The following SPCS2 variants were observed in gnomAD, a reference collection of about 807,000 sequenced individuals.
SPCS2 encodes the protein signal peptidase complex subunit 2.
In SPCS2, 3 loss-of-function variants were observed where a neutral mutation model predicts 22.3. The observed-to-expected ratio is 0.13, with a 90% CI of 0.06 to 0.35. The LOEUF (loss-of-function observed/expected upper bound fraction) is 0.35, where lower values mean the gene tolerates loss of function less well. Ranked by LOEUF, SPCS2 falls within the 10% of genes least tolerant of loss-of-function variation. The pLI is 1.00. For synonymous variants in SPCS2, 67 were observed against 97.2 expected, an observed-to-expected ratio of 0.69 and a Z score of 1.83; for missense variants, 169 against 280.9, an observed-to-expected ratio of 0.60 and a Z score of 2.85.
intron 4 of SPCS2, 86 bp downstream of exon 4, chr11:74,969,785 C>T: frequency 6.8e-7 from 1 of 1,463,456 alleles, no homozygotes; most frequent in Non-Finnish European, 9.6e-7. Flanking sequence ...TTATTATGTG[C>T]CTACTCTATG....
chr11:74,960,630 C>T (rs972181402), intron 1 of SPCS2, among the ~76,000 whole-genome samples: 3 of 151,384 alleles, frequency 2.0e-5, no homozygotes, highest in Non-Finnish European at 4.4e-5. Flanking sequence ...GCTAATAATT[C>T]CTTTCCTTGC....
intron 1 of SPCS2, among the ~76,000 whole-genome samples, chr11:74,950,631 A>C (rs1394851683): frequency 6.6e-6 from 1 of 152,126 alleles, no homozygotes; most frequent in Non-Finnish European, 1.5e-5. Flanking sequence ...TGAACTCTTA[A>C]GCTTAGGTGA....
At chr11:74,968,524 T>G (rs1183518128) in intron 3 of SPCS2, among the ~76,000 whole-genome samples, 6 of 150,114 alleles carry the variant, frequency 4.0e-5, no homozygotes, top group Admixed American at 2.0e-4. Flanking sequence ...TTTTGTTTTT[T>G]TTTTTTTTTG....
intron 1 of SPCS2, chr11:74,963,465 AC>A (rs1948525650): frequency 3.2e-6 from 1 of 311,838 alleles, no homozygotes; most frequent in African/African-American, 2.3e-5. Context: ...TAAAAAAAAA[AC>A]AAGGTTGATG....
chr11:74,959,913 A>G (rs529351891), intron 1 of SPCS2, among the ~76,000 whole-genome samples: 2 of 152,300 alleles, frequency 1.3e-5, no homozygotes, highest in African/African-American at 4.8e-5. Flanking sequence ...TCTTTGTAGA[A>G]TTTTTTATTA....
chr11:74,965,942 C>G lies in SPCS2; in HGVS notation c.359+19C>G. The stretch of plus-strand genomic sequence containing the variant: ...TCATATCATATCCTTTATTTATGCT[C>G]AGGTTGTTTTCTAGTGACTATTTTT... On this transcript the variant is annotated intron_variant, in intron 3 of 4. Coordinates refer to ENST00000263672, the MANE Select transcript of SPCS2 (RefSeq NM_014752.3). The G allele has an allele frequency of 6.3e-7, 1 of 1,582,966 alleles. No homozygotes were observed.
chr11:74,953,640 C>G (rs1399908652), intron 1 of SPCS2, among the ~76,000 whole-genome samples: 2 of 152,164 alleles, frequency 1.3e-5, no homozygotes, highest in Admixed American at 1.3e-4. Flanking sequence ...ATGTGAATTT[C>G]TACTCTTATG....
At chr11:74,976,367 A>G (rs1263527257) in intron 4 of SPCS2, among the ~76,000 whole-genome samples, 1 of 152,216 alleles carries the variant, frequency 6.6e-6, no homozygotes, top group Admixed American at 6.5e-5. Flanking sequence ...GGCCTGGCAT[A>G]TGACAGGAGG....
intron 1 of SPCS2, among the ~76,000 whole-genome samples, chr11:74,953,782 A>G (rs1018058371): frequency 1.3e-5 from 2 of 152,240 alleles, no homozygotes; most frequent in African/African-American, 4.8e-5. Flanking sequence ...CCCCAAATAC[A>G]TCAAAGCATT....
At chr11:74,964,712 G>A (rs1257459094) in intron 1 of SPCS2, among the ~76,000 whole-genome samples, 2 of 152,178 alleles carry the variant, frequency 1.3e-5, no homozygotes, top group Non-Finnish European at 2.9e-5. Flanking sequence ...TACGTTTTCT[G>A]GTTCTGGGGT....
chr11:74,950,109 A>T (rs1948364250), intron 1 of SPCS2, among the ~76,000 whole-genome samples: 1 of 152,200 alleles, frequency 6.6e-6, no homozygotes, highest in Non-Finnish European at 1.5e-5. Context: ...AAAAGAAAAG[A>T]AAAAAAGGAA....
intron 1 of SPCS2, among the ~76,000 whole-genome samples, chr11:74,954,394 T>C (rs564427866): frequency 2.0e-5 from 3 of 152,262 alleles, no homozygotes; most frequent in African/African-American, 7.2e-5. Context: ...CATACCAGAG[T>C]GTGCCTTGTG....
chr11:74,954,727 C>T (rs946617457), intron 1 of SPCS2, among the ~76,000 whole-genome samples: 1 of 151,888 alleles, frequency 6.6e-6, no homozygotes. Context: ...TTTTTATTTC[C>T]TCAAAATAAA....
chr11:74,953,269 T>G (rs1948457182), intron 1 of SPCS2, among the ~76,000 whole-genome samples: 1 of 151,896 alleles, frequency 6.6e-6, no homozygotes, highest in Non-Finnish European at 1.5e-5. Flanking sequence ...CTCCACTCAC[T>G]GCAACCCCCG....
At chr11:74,950,701 T>A (rs143181867) in intron 1 of SPCS2, among the ~76,000 whole-genome samples, 2 of 152,178 alleles carry the variant, frequency 1.3e-5, no homozygotes, top group Non-Finnish European at 2.9e-5. Flanking sequence ...TATGCCTGAC[T>A]AATTTTTTTG....
At chr11:74,972,072 CT>C (rs368320288) in intron 4 of SPCS2, among the ~76,000 whole-genome samples, 81 of 146,686 alleles carry the variant, frequency 5.5e-4, no homozygotes, top group East Asian at 2.4e-3. Context: ...CCTAGTTATT[CT>C]TTTTTTTTTT....
At chr11:74,968,585 G>A (rs1039013036) in intron 3 of SPCS2, among the ~76,000 whole-genome samples, 5 of 149,328 alleles carry the variant, frequency 3.3e-5, no homozygotes, top group Admixed American at 1.4e-4. Context: ...GCACGATCTC[G>A]GCTCACTGCA....
rs1796223604 is a variant in SPCS2 at position 74,969,451 on chromosome 11, G to T, written c.360-114G>T. On this transcript the variant is annotated intron_variant, in intron 3 of 4. Coordinates refer to ENST00000263672, the MANE Select transcript of SPCS2 (RefSeq NM_014752.3). ...TAAATTTTCAGTGTTTTGGCAGCAA[G>T]ACAAAGCTGTCTTCTTTAGGACTAT... The T allele has an allele frequency of 1.3e-5, 13 of 996,802 alleles. No homozygotes were observed. In the South Asian group the frequency reaches 2.0e-4, roughly 15 times the overall value. The allele number at this position is 996,802 out of a possible 1,614,324, so 61.7% of individuals were successfully genotyped here.
chr11:74,964,559 C>G (rs1948532598), intron 1 of SPCS2, among the ~76,000 whole-genome samples: 1 of 152,192 alleles, frequency 6.6e-6, no homozygotes, highest in South Asian at 2.1e-4. Flanking sequence ...TTGTTAGTAT[C>G]TGTAAATTCA....
Sources: allele counts gnomAD v4.1 joint callset (sites outside exome capture counted in the v4.1 genomes callset), GRCh38; gene constraint gnomAD v4.1.1; transcripts MANE v1.5; gene names NCBI Gene and HGNC (gene_info 2026-07-23, HGNC 2026-07-21).